IP6K1: variants seen among roughly 807,000 people sequenced by gnomAD.
IP6K1 encodes the protein inositol hexakisphosphate kinase 1.
In IP6K1, 13 loss-of-function variants were observed where a neutral mutation model predicts 38.3. The ratio of observed to expected loss-of-function variants is 0.34; its 90% CI spans 0.22 to 0.54. The LOEUF (loss-of-function observed/expected upper bound fraction) is 0.54, where lower values mean the gene tolerates loss of function less well. IP6K1 is among the 20% of genes least tolerant of loss of function. The probability of loss-of-function intolerance (pLI) is 0.92; values close to 1 mark genes in which losing one functional copy is unlikely to be tolerated. For synonymous variants in IP6K1, 212 were observed against 229.9 expected (o/e 0.92, Z 0.70); for missense variants, 397 against 599.8 (o/e 0.66, Z 3.53).
intron 1 of IP6K1, among the ~76,000 whole-genome samples, chr3:49,777,031 T>TC (rs1411823482): frequency 6.6e-6 from 1 of 151,890 alleles, no homozygotes; most frequent in African/African-American, 2.4e-5. Flanking sequence ...GGTCAGGAGT[T>TC]CGAGACAAGC....
chr3:49,767,462 C>T (rs1254105815), intron 1 of IP6K1, among the ~76,000 whole-genome samples: 1 of 151,880 alleles, frequency 6.6e-6, no homozygotes, highest in African/African-American at 2.4e-5. Context: ...TGCCTGTAAT[C>T]CCAGGTACTC....
chr3:49,774,532 C>T (rs191959267), intron 1 of IP6K1, among the ~76,000 whole-genome samples: 46 of 152,028 alleles, frequency 3.0e-4, no homozygotes, highest in African/African-American at 1.0e-3. Flanking sequence ...ATAATTCCTG[C>T]CTTCAGAGAA....
intron 3 of IP6K1, 103 bp downstream of exon 3, chr3:49,738,109 T>G: frequency 1.1e-6 from 1 of 928,466 alleles, no homozygotes; most frequent in Non-Finnish European, 1.7e-6. Context: ...ACACCAGTCA[T>G]CTTATCCAAC....
intron 1 of IP6K1, among the ~76,000 whole-genome samples, chr3:49,776,869 T>C (rs1053742972): frequency 2.6e-5 from 4 of 152,358 alleles, no homozygotes; most frequent in Middle Eastern, 3.4e-3. Context: ...GATTGGCACC[T>C]GTCTGTGTCC....
Position 49,775,708 on chromosome 3 carries a change from G to C in IP6K1, c.-129+10646C>G. The stretch of plus-strand genomic sequence containing the variant: ...CCCGGCAGAAAGGGAGCAGAGCCCA[G>C]AGCATCACCAGGAGTGCCTGCTAGT... On this transcript the variant is annotated intron_variant, in intron 1 of 5. Transcript: ENST00000321599. 7.2e-6 allele frequency: 3 copies of C among 417,172 alleles called. No homozygotes were observed. The South Asian group carries it at 1.6e-4, about 22-fold the overall frequency. 25.8% of individuals were successfully genotyped at this position (417,172 alleles called of 1,614,324 possible). A position where few individuals can be genotyped will look rare whatever the true frequency, so the allele number is the denominator to read the frequency against.
At chr3:49,761,444 C>G (rs1299716769) in intron 1 of IP6K1, among the ~76,000 whole-genome samples, 1 of 151,866 alleles carries the variant, frequency 6.6e-6, no homozygotes, top group Non-Finnish European at 1.5e-5. Context: ...GAAACCCCAT[C>G]TCTACTAAAA....
At chr3:49,772,365 T>C (rs998317326) in intron 1 of IP6K1, among the ~76,000 whole-genome samples, 4 of 148,630 alleles carry the variant, frequency 2.7e-5, no homozygotes, top group Admixed American at 1.4e-4. Flanking sequence ...TATATATATA[T>C]AGAAGGCTAT....
intron 1 of IP6K1, among the ~76,000 whole-genome samples, chr3:49,773,245 C>G (rs1411882347): frequency 6.6e-6 from 1 of 152,184 alleles, no homozygotes. Context: ...CATGAAATTA[C>G]TCAAACTTAA....
chr3:49,759,076 TAA>T (rs34655436), intron 1 of IP6K1, among the ~76,000 whole-genome samples: 21 of 151,240 alleles, frequency 1.4e-4, no homozygotes, highest in Admixed American at 7.9e-4. Flanking sequence ...AATAAACAAT[TAA>T]AAAAAAAATA....
intron 4 of IP6K1, among the ~76,000 whole-genome samples, chr3:49,728,553 C>G (rs2080533532): frequency 6.6e-6 from 1 of 152,130 alleles, no homozygotes; most frequent in Non-Finnish European, 1.5e-5. Context: ...CCATCTATCT[C>G]TACTCACAAC....
At chr3:49,780,613 G>A (rs2081057368) in intron 1 of IP6K1, among the ~76,000 whole-genome samples, 1 of 152,130 alleles carries the variant, frequency 6.6e-6, no homozygotes, top group East Asian at 1.9e-4. Context: ...AGGAGGCAGT[G>A]AGATCAAGCC....
intron 1 of IP6K1, among the ~76,000 whole-genome samples, chr3:49,780,898 T>A (rs1478417652): frequency 1.3e-5 from 2 of 152,116 alleles, no homozygotes; most frequent in Admixed American, 1.3e-4. Flanking sequence ...TCCCTTCTAT[T>A]TCCCTGTTTA....
chr3:49,728,510 A>C (rs867519687), intron 4 of IP6K1: 3 of 495,030 alleles, frequency 6.1e-6, no homozygotes, highest in Non-Finnish European at 1.1e-5. Flanking sequence ...CAGTGGCATG[A>C]AGTACATTTA....
intron 3 of IP6K1, among the ~76,000 whole-genome samples, chr3:49,734,551 A>C (rs2080589905): frequency 7.5e-6 from 1 of 132,692 alleles, no homozygotes; most frequent in Admixed American, 7.4e-5. Flanking sequence ...GTGTGCTGGA[A>C]ATGCTAACCC....
rs2080738940 is a variant in IP6K1, at chr3:49,748,098, G to C, written c.-58C>G. On this transcript the variant is annotated 5_prime_UTR_variant, in exon 2 of 6. Transcript: ENST00000321599. The stretch of plus-strand genomic sequence containing the variant: ...AGGATGCAGCACATGGGCCACAAAA[G>C]GAGAGCTACATAGAAGGTCCTGGCC... 1.3e-6 allele frequency: 2 copies of C among 1,586,258 alleles called. No individual in the cohort carries two copies. Among genetic ancestry groups the C allele is most frequent in the Admixed American group, 3.4e-5 (2 of 59,606 alleles).
chr3:49,772,409 G>A (rs535150196), intron 1 of IP6K1, among the ~76,000 whole-genome samples: 6 of 150,658 alleles, frequency 4.0e-5, no homozygotes, highest in South Asian at 2.1e-4. Flanking sequence ...ATTCTAGAGC[G>A]TTCTCTTTTT....
intron 2 of IP6K1, among the ~76,000 whole-genome samples, chr3:49,742,279 G>C (rs2080674841): frequency 1.3e-5 from 2 of 152,372 alleles, no homozygotes; most frequent in South Asian, 4.1e-4. Context: ...GCTGGGCACG[G>C]TGGCTTACGC....
chr3:49,735,847 A>C (rs1285982147), intron 3 of IP6K1, among the ~76,000 whole-genome samples: 3 of 152,230 alleles, frequency 2.0e-5, no homozygotes, highest in Non-Finnish European at 2.9e-5. Context: ...TCACAGATGA[A>C]CTATGTACTG....
chr3:49,740,638 C>CAT (rs1174482432), intron 2 of IP6K1, among the ~76,000 whole-genome samples: 14 of 152,078 alleles, frequency 9.2e-5, no homozygotes. Context: ...GTTCACTTAG[C>CAT]ATAGTGTTTG....
Sources: gnomAD v4.1 joint callset for allele counts (sites outside exome capture counted in the v4.1 genomes callset) on GRCh38, gnomAD v4.1.1 for gene constraint, MANE v1.5 for transcripts, NCBI Gene and HGNC (gene_info 2026-07-23, HGNC 2026-07-21) for gene names.